AGBL4: variants seen among roughly 807,000 people sequenced by gnomAD.
AGBL4 encodes the protein AGBL carboxypeptidase 4.
A neutral mutation model predicts 66.4 loss-of-function variants in AGBL4; 58 were observed. The observed-to-expected ratio is 0.87, with a 90% CI of 0.71 to 1.09. The LOEUF (loss-of-function observed/expected upper bound fraction) is 1.09. Ranked by LOEUF, AGBL4 falls within the 50% of genes least tolerant of loss-of-function variation. The pLI is 0.00. For synonymous variants in AGBL4, 234 were observed against 222.9 expected, an observed-to-expected ratio of 1.05 and a Z score of -0.44; for missense variants, 579 against 631.0, an observed-to-expected ratio of 0.92 and a Z score of 0.88.
chr1:48,942,221 A>T (rs1201725954), intron 5 of AGBL4, among the ~76,000 whole-genome samples: 1 of 152,122 alleles, frequency 6.6e-6, no homozygotes, highest in African/African-American at 2.4e-5. Context: ...GGTGCCTTTG[A>T]AAAGACAAAG....
At chr1:49,280,484 G>C (rs577961500) in intron 3 of AGBL4, among the ~76,000 whole-genome samples, 1 of 152,278 alleles carries the variant, frequency 6.6e-6, no homozygotes, top group South Asian at 2.1e-4. Context: ...ACATTCTAGA[G>C]AATGGGTCCC....
intron 4 of AGBL4, among the ~76,000 whole-genome samples, chr1:49,169,944 G>T (rs955413893): frequency 6.6e-6 from 1 of 151,972 alleles, no homozygotes; most frequent in Non-Finnish European, 1.5e-5. Context: ...GTATGCAAAG[G>T]CATACTGAGT....
chr1:49,515,366 A>G (rs920505234), intron 3 of AGBL4, among the ~76,000 whole-genome samples: 1 of 152,152 alleles, frequency 6.6e-6, no homozygotes, highest in Non-Finnish European at 1.5e-5. Flanking sequence ...TAGAATGGAC[A>G]TCATTAAAAA....
At chr1:48,873,726 A>C (rs974020243) in intron 5 of AGBL4, among the ~76,000 whole-genome samples, 2 of 152,172 alleles carry the variant, frequency 1.3e-5, no homozygotes, top group African/African-American at 4.8e-5. Flanking sequence ...ACACATCAAC[A>C]TACCCATACA....
chr1:49,676,062 G>A (rs1053147519), intron 3 of AGBL4, among the ~76,000 whole-genome samples: 3 of 151,992 alleles, frequency 2.0e-5, no homozygotes, highest in Non-Finnish European at 2.9e-5. Flanking sequence ...ATCCTAAGGG[G>A]TAAGGATGCT....
In AGBL4 at chr1:48,706,257, A is replaced by G. The variant is rs569162692; in HGVS notation, c.635-43016T>C. Among the ~76,000 whole-genome samples the G allele has an allele frequency of 2.0e-4, 31 of 152,314 alleles. No individual in the cohort carries two copies. In the East Asian group the frequency reaches 2.7e-3, roughly 13 times the overall value. Reference sequence around the variant, plus strand: ...TTAAAAGATGAAGAAAAATGCCAAAAGGAAACTTAAGTAAGGAAAAAGATT... The same window carrying G: ...TTAAAAGATGAAGAAAAATGCCAAAGGGAAACTTAAGTAAGGAAAAAGATT... On this transcript the variant is annotated intron_variant, in intron 6 of 13. Transcript: ENST00000371839.
chr1:48,977,270 A>G (rs1185808977), intron 5 of AGBL4, among the ~76,000 whole-genome samples: 1 of 152,086 alleles, frequency 6.6e-6, no homozygotes, highest in Non-Finnish European at 1.5e-5. Flanking sequence ...TCCTCTGTAA[A>G]ATAAAAATTG....
chr1:48,864,813 TCA>T (rs1647836277), intron 6 of AGBL4, among the ~76,000 whole-genome samples: 1 of 152,092 alleles, frequency 6.6e-6, no homozygotes, highest in Non-Finnish European at 1.5e-5. Context: ...TAGAATAGTC[TCA>T]GTTACATTTA....
intron 5 of AGBL4, among the ~76,000 whole-genome samples, chr1:48,944,748 A>T (rs1196389129): frequency 6.6e-6 from 1 of 152,152 alleles, no homozygotes; most frequent in Admixed American, 6.5e-5. Flanking sequence ...CTTCTTGATC[A>T]AACATTTTCC....
At chr1:48,816,202 A>G (rs1646174223) in intron 6 of AGBL4, among the ~76,000 whole-genome samples, 1 of 152,084 alleles carries the variant, frequency 6.6e-6, no homozygotes, top group Non-Finnish European at 1.5e-5. Context: ...AATTACAGTT[A>G]AATGCTTATG....
the AGBL4 span, among the ~76,000 whole-genome samples, chr1:48,526,242 G>A: frequency 6.6e-6 from 1 of 152,142 alleles, no homozygotes; most frequent in African/African-American, 2.4e-5. Flanking sequence ...TCTTAGGACT[G>A]TACACAAAAA....
chr1:49,197,278 T>A (rs1335227631), intron 4 of AGBL4, among the ~76,000 whole-genome samples: 1 of 152,202 alleles, frequency 6.6e-6, no homozygotes, highest in East Asian at 1.9e-4. Flanking sequence ...TGCTCGTGGT[T>A]TACCATGAGC....
chr1:49,969,759 A>G (rs1346399859), intron 1 of AGBL4, among the ~76,000 whole-genome samples: 1 of 152,204 alleles, frequency 6.6e-6, no homozygotes, highest in Non-Finnish European at 1.5e-5. Flanking sequence ...CTATTCATCC[A>G]CTGATAGACT....
At chr1:49,487,271 C>T (rs1647088008) in intron 3 of AGBL4, among the ~76,000 whole-genome samples, 1 of 151,872 alleles carries the variant, frequency 6.6e-6, no homozygotes, top group Non-Finnish European at 1.5e-5. Flanking sequence ...TCCAATATAC[C>T]TGATATTGTG....
intron 3 of AGBL4, among the ~76,000 whole-genome samples, chr1:49,571,167 ATTTC>A (rs1644322327): frequency 6.6e-6 from 1 of 151,152 alleles, no homozygotes; most frequent in African/African-American, 2.4e-5. Context: ...GAATCTGTAG[ATTTC>A]TTTGAGCAGT....
intron 1 of AGBL4, among the ~76,000 whole-genome samples, chr1:49,870,764 G>A (rs1253094652): frequency 6.6e-6 from 1 of 151,836 alleles, no homozygotes; most frequent in Non-Finnish European, 1.5e-5. Flanking sequence ...TTAGGGAAAT[G>A]CAAGTAAAAT....
At chr1:48,851,306 G>C (rs1168136080) in intron 6 of AGBL4, among the ~76,000 whole-genome samples, 2 of 152,166 alleles carry the variant, frequency 1.3e-5, no homozygotes, top group East Asian at 3.9e-4. Context: ...GGAAGGAAAG[G>C]ATGATCCAAG....
chr1:48,674,697 G>T (rs899592830), intron 6 of AGBL4, among the ~76,000 whole-genome samples: 33 of 152,178 alleles, frequency 2.2e-4, no homozygotes, highest in African/African-American at 6.3e-4. Context: ...CATCTTATTG[G>T]GTGGCTGTGA....
At chr1:48,729,036 G>T (rs1647666748) in intron 6 of AGBL4, among the ~76,000 whole-genome samples, 2 of 152,116 alleles carry the variant, frequency 1.3e-5, no homozygotes, top group Non-Finnish European at 2.9e-5. Flanking sequence ...TGACTGCCTA[G>T]CCTGGGGACC....
Sources: gnomAD v4.1 joint callset for allele counts (sites outside exome capture counted in the v4.1 genomes callset) on GRCh38, gnomAD v4.1.1 for gene constraint, MANE v1.5 for transcripts, NCBI Gene and HGNC (gene_info 2026-07-23, HGNC 2026-07-21) for gene names.